The following TFDP1 variants were observed in gnomAD, a reference collection of about 807,000 sequenced individuals.
TFDP1 encodes transcription factor Dp-1, also known as DRTF1-polypeptide 1.
Under a neutral mutation model 48.0 loss-of-function variants are expected in TFDP1, and 6 were observed. The observed-to-expected ratio is 0.13, with a 90% confidence interval of 0.07 to 0.25. The LOEUF is 0.25. TFDP1 is among the 10% of genes least tolerant of loss of function. The pLI, the probability that TFDP1 is intolerant of heterozygous loss-of-function variation, is 1.00. For synonymous variants in TFDP1, 201 were observed against 211.6 expected, an observed-to-expected ratio of 0.95 and a Z score of 0.44; for missense variants, 335 against 543.0, an observed-to-expected ratio of 0.62 and a Z score of 3.81.
Position 113,636,146 on chromosome 13 carries a change from A to T in TFDP1, c.839+18A>T. The stretch of plus-strand genomic sequence containing the variant: ...AATGACAAGTAGGTTGTGGGCGGGG[A>T]GCTGTTCCCTGGTCACCCATCTCTT... On this transcript the variant is annotated intron_variant, in intron 9 of 11. Coordinates refer to ENST00000375370, the MANE Select transcript of TFDP1 (RefSeq NM_007111.5). The T allele has an allele frequency of 6.2e-7, 1 of 1,613,254 alleles. No individual in the cohort carries two copies. The highest frequency in any genetic ancestry group is 8.5e-7 in the Non-Finnish European group (1 of 1,179,566).
intron 2 of TFDP1, among the ~76,000 whole-genome samples, chr13:113,588,527 C>T (rs966911818): frequency 2.0e-5 from 3 of 152,190 alleles, no homozygotes; most frequent in East Asian, 1.9e-4. Flanking sequence ...TGAGGTCAGT[C>T]CTCTGGGGGT....
intron 3 of TFDP1, among the ~76,000 whole-genome samples, chr13:113,617,498 G>GTTCACCTGCAGAGCCC (rs2048888965): frequency 6.8e-5 from 10 of 147,312 alleles, no homozygotes; most frequent in South Asian, 6.5e-4. Context: ...CTGCAGAACC[G>GTTCACCTGCAGAGCCC]TTCACCTGCA....
chr13:113,638,933 G>T (rs1430923354), intron 11 of TFDP1, among the ~76,000 whole-genome samples: 1 of 152,208 alleles, frequency 6.6e-6, no homozygotes, highest in Non-Finnish European at 1.5e-5. Context: ...GACATAGTGA[G>T]TTTCAGTGTG....
chr13:113,634,018 A>C lies in TFDP1; in HGVS notation c.603A>C (p.Glu201Asp), dbSNP rs2049406311. 1 of 1,614,194 alleles carries C rather than the reference A, an allele frequency of 6.2e-7. No individual in the cohort carries two copies. Among genetic ancestry groups the C allele is most frequent in the Non-Finnish European group, 8.5e-7 (1 of 1,180,030 alleles). Residue 201 changes from glutamate (E) to aspartate (D), a missense_variant, in exon 7 of 12, where the codon GAA becomes GAC. By Grantham distance (45) the Glu-to-Asp change is conservative (BLOSUM62 2). Coordinates refer to ENST00000375370, the MANE Select transcript of TFDP1 (RefSeq NM_007111.5). The stretch of plus-strand genomic sequence containing the variant: ...GTCTGCCCACCAACTCGGCTCAGGA[A>C]TGTCAGAACTTAGAGGTGCCCCTTC... Reference protein sequence around the residue: ...WIGLPTNSAQECQNLEVERQR... With the variant: ...WIGLPTNSAQDCQNLEVERQR...
intron 4 of TFDP1, among the ~76,000 whole-genome samples, chr13:113,625,759 TGTCCTCAGGCGTCTCTCAC>T (rs1566667433): frequency 7.2e-5 from 8 of 111,194 alleles, no homozygotes; most frequent in African/African-American, 3.0e-4. Context: ...GTCTCTCACG[TGTCCTCAGGCGTCTCTCAC>T]GTGTCCTCAG....
chr13:113,612,237 T>C (rs1042439052), intron 3 of TFDP1, among the ~76,000 whole-genome samples: 1 of 152,158 alleles, frequency 6.6e-6, no homozygotes, highest in Non-Finnish European at 1.5e-5. Flanking sequence ...GGTGTCTCCT[T>C]GGGGCCTGTC....
chr13:113,622,471 G>A (rs1022520515), intron 3 of TFDP1, among the ~76,000 whole-genome samples: 2 of 152,168 alleles, frequency 1.3e-5, no homozygotes, highest in African/African-American at 4.8e-5. Context: ...CAGGGTGCTC[G>A]CTACCACCTG....
intron 4 of TFDP1, among the ~76,000 whole-genome samples, chr13:113,625,321 T>TGTC (rs2049118098): frequency 5.9e-5 from 4 of 67,356 alleles, no homozygotes; most frequent in Admixed American, 1.6e-4. Context: ...CTCACGTGTT[T>TGTC]CTCAGGCGTC....
intron 2 of TFDP1, 72 bp from the exon 3 acceptor site, chr13:113,610,924 T>C: frequency 2.2e-6 from 3 of 1,374,888 alleles, no homozygotes; most frequent in Non-Finnish European, 3.1e-6. Flanking sequence ...CCCTTGAGGG[T>C]GGTTTTAAAC....
At position 113,633,033 on chromosome 13, in the gene TFDP1, T is replaced by C; in HGVS notation, c.309-87T>C. ...CGTGGCCCCTTTTTGTGCAGCTCAT[T>C]AGAGCTCTCAGGTAAAAGCATTCCT... is the stretch of plus-strand genomic sequence containing the variant. On this transcript the variant is annotated intron_variant, in intron 5 of 11. Coordinates refer to ENST00000375370, the MANE Select transcript of TFDP1 (RefSeq NM_007111.5). This position sits in a 1 kb window ranked among gnomAD's most constrained non-coding sequence, Gnocchi z 4.5. The C allele has an allele frequency of 6.5e-7, 1 of 1,547,716 alleles. No individual in the cohort carries two copies. Among genetic ancestry groups the C allele is most frequent in the East Asian group, 2.3e-5 (1 of 43,454 alleles).
chr13:113,639,937 T>C lies in TFDP1; in HGVS notation c.1086-183T>C, dbSNP rs74116269. 1.3e-3 allele frequency among the ~76,000 whole-genome samples: 199 copies of C among 152,340 alleles called. 1 individual carries two copies. The highest frequency in any genetic ancestry group is 4.5e-3 in the African/African-American group (186 of 41,576). ...GGGCCAGAAGAGAACCAGACAGAGA[T>C]GGAGTAAGTGCCAGAGCGTTGGCGT... is the stretch of plus-strand genomic sequence containing the variant. On this transcript the variant is annotated intron_variant, in intron 11 of 11. Coordinates refer to ENST00000375370, the MANE Select transcript of TFDP1 (RefSeq NM_007111.5).
rs1304133194 is a variant in TFDP1, at chr13:113,597,068, CCT to C, written c.12+11220_12+11221del. ...GGTGTCCTGGGCCCTCTGGATACCCCCTGTCTGGCCGGGGTTGCCGCTCCGTT... is the reference window on the plus strand; with the variant it reads ...GGTGTCCTGGGCCCTCTGGATACCCCGTCTGGCCGGGGTTGCCGCTCCGTT... On this transcript the variant is annotated intron_variant, in intron 2 of 11. Transcript: ENST00000375370. Among the ~76,000 whole-genome samples, 5 of 152,152 alleles carry C rather than the reference CCT, an allele frequency of 3.3e-5. No individual in the cohort carries two copies. The South Asian group carries it at 6.2e-4, about 19-fold the overall frequency.
At chr13:113,626,016 C>T (rs917526920) in intron 4 of TFDP1, among the ~76,000 whole-genome samples, 2 of 139,730 alleles carry the variant, frequency 1.4e-5, no homozygotes, top group African/African-American at 2.9e-5. Flanking sequence ...GTGTCTCTCA[C>T]GTGTCCTCAG....
intron 3 of TFDP1, among the ~76,000 whole-genome samples, chr13:113,613,890 T>C (rs981647613): frequency 1.3e-5 from 2 of 150,374 alleles, no homozygotes; most frequent in Admixed American, 1.3e-4. Flanking sequence ...TGGATGTGAG[T>C]GTACCTGTGA....
At chr13:113,597,408 G>A (rs183227521) in intron 2 of TFDP1, among the ~76,000 whole-genome samples, 147 of 152,330 alleles carry the variant, frequency 9.7e-4, no homozygotes, top group African/African-American at 3.3e-3. Context: ...GTCTGGCAGC[G>A]TGTGCTGCAT....
At position 113,633,538 on chromosome 13, in the gene TFDP1, G is replaced by A. The variant is rs1284873508; in HGVS notation, c.474+253G>A. ...AACCATACAGAAAATGCCAAGTACA[G>A]CATAAAAGAATTTTTCCGATCCATT... On this transcript the variant is annotated intron_variant, in intron 6 of 11. Coordinates refer to ENST00000375370, the MANE Select transcript of TFDP1 (RefSeq NM_007111.5). The surrounding 1 kb of genome is among the most constrained non-coding windows in gnomAD (Gnocchi z 4.5). 6.6e-6 allele frequency among the ~76,000 whole-genome samples: 1 copy of A among 152,192 alleles called. No individual in the cohort carries two copies. Among genetic ancestry groups the A allele is most frequent in the African/African-American group, 2.4e-5 (1 of 41,456 alleles).
rs574656984 is a variant in TFDP1 at position 113,598,882 on chromosome 13, G to A, written c.13-12114G>A. The stretch of plus-strand genomic sequence containing the variant: ...CATCACCTCTGGATGGATCTTGTTA[G>A]GTGTGTGGCTTTTCCCTTAGTTTAG... On this transcript the variant is annotated intron_variant, in intron 2 of 11. Transcript: ENST00000375370. The surrounding 1 kb of genome is among the most constrained non-coding windows in gnomAD (Gnocchi z 4.2). Among the ~76,000 whole-genome samples, 6 of 152,306 alleles carry A rather than the reference G, an allele frequency of 3.9e-5. No homozygotes were observed. In the South Asian group the frequency reaches 1.2e-3, roughly 32 times the overall value.
chr13:113,618,218 G>C (rs946596835), intron 3 of TFDP1, among the ~76,000 whole-genome samples: 1 of 152,118 alleles, frequency 6.6e-6, no homozygotes, highest in African/African-American at 2.4e-5. Flanking sequence ...TACTTATATT[G>C]CCAGATTAAA....
chr13:113,634,372 C>T lies in TFDP1; in HGVS notation c.619-162C>T, dbSNP rs540758514. On this transcript the variant is annotated intron_variant, in intron 7 of 11. Coordinates refer to ENST00000375370, the MANE Select transcript of TFDP1 (RefSeq NM_007111.5). ...GTTTAGAAATGGAAAAAAAACTCACCTATATCTTGTAGCACCTGCTATGTC... is the reference window on the plus strand; with the variant it reads ...GTTTAGAAATGGAAAAAAAACTCACTTATATCTTGTAGCACCTGCTATGTC... The T allele has an allele frequency of 3.1e-5, 21 of 672,590 alleles. No homozygotes were observed. In the East Asian group the frequency reaches 5.2e-4, roughly 17 times the overall value. 41.7% of individuals were successfully genotyped at this position (672,590 alleles called of 1,614,324 possible).
Sources: allele counts gnomAD v4.1 joint callset (sites outside exome capture counted in the v4.1 genomes callset), GRCh38; gene constraint gnomAD v4.1.1; non-coding constraint Gnocchi (gnomAD v3.1); transcripts MANE v1.5; gene names NCBI Gene and HGNC (gene_info 2026-07-23, HGNC 2026-07-21).